The following DYNC2H1 variants were observed in gnomAD, a reference collection of about 807,000 sequenced individuals.
The protein encoded by DYNC2H1 is cytoplasmic dynein 2 heavy chain 1.
In DYNC2H1, 410 loss-of-function variants were observed where a neutral mutation model predicts 570.0. The ratio of observed to expected loss-of-function variants is 0.72; its 90% CI spans 0.66 to 0.78. The LOEUF is 0.78. DYNC2H1 is among the 30% of genes least tolerant of loss of function. The pLI, the probability that DYNC2H1 is intolerant of heterozygous loss-of-function variation, is 0.00. For missense variants in DYNC2H1, 4,865 were observed against 5,046.4 expected, an observed-to-expected ratio of 0.96 and a Z score of 1.09; for synonymous variants, 1,688 against 1,677.6, an observed-to-expected ratio of 1.01 and a Z score of -0.15.
Position 103,446,519 on chromosome 11 carries a change from A to G in DYNC2H1, c.12457-8667A>G, listed in dbSNP as rs144376464. On this transcript the variant is annotated intron_variant, in intron 85 of 88. Transcript: ENST00000375735. The surrounding 1 kb of genome is among the most constrained non-coding windows in gnomAD (Gnocchi z 4.5). Reference sequence around the variant, plus strand: ...GAGATGTTTTGTGAAGTTCTAAAGAATGAAAGCCTGGTCATATGAGTTTAA... The same window carrying G: ...GAGATGTTTTGTGAAGTTCTAAAGAGTGAAAGCCTGGTCATATGAGTTTAA... 1.5e-3 allele frequency among the ~76,000 whole-genome samples: 225 copies of G among 152,330 alleles called. No individual in the cohort carries two copies. The highest frequency in any genetic ancestry group is 5.2e-3 in the African/African-American group (215 of 41,580).
intron 1 of DYNC2H1, among the ~76,000 whole-genome samples, chr11:103,110,821 CT>C (rs540978155): frequency 0.025 from 3,460 of 140,864 alleles, 55 homozygotes; most frequent in African/African-American, 0.058. Flanking sequence ...CATTCAGTGC[CT>C]TTTTTTTTTT....
At chr11:103,149,626 A>G (rs569883163) in intron 20 of DYNC2H1, among the ~76,000 whole-genome samples, 11 of 152,332 alleles carry the variant, frequency 7.2e-5, no homozygotes, top group African/African-American at 2.6e-4. Context: ...ATTAACTAAA[A>G]TAGGAATGGT....
chr11:103,370,117 G>A (rs1941085857), intron 83 of DYNC2H1, among the ~76,000 whole-genome samples: 1 of 152,228 alleles, frequency 6.6e-6, no homozygotes, highest in Non-Finnish European at 1.5e-5. Flanking sequence ...AGGTCAGGCA[G>A]CATTCACTAC....
At chr11:103,212,504 A>G (rs1453645322) in intron 54 of DYNC2H1, among the ~76,000 whole-genome samples, 1 of 152,098 alleles carries the variant, frequency 6.6e-6, no homozygotes, top group Non-Finnish European at 1.5e-5. Flanking sequence ...CATAATATCC[A>G]AGATTATATT....
chr11:103,226,185 C>T (rs1591438497), intron 59 of DYNC2H1, among the ~76,000 whole-genome samples: 1 of 152,058 alleles, frequency 6.6e-6, no homozygotes, highest in East Asian at 1.9e-4. Flanking sequence ...TCCGCTTTAC[C>T]AATTTGGATG....
intron 83 of DYNC2H1, among the ~76,000 whole-genome samples, chr11:103,384,921 C>G (rs998662275): frequency 1.3e-5 from 2 of 151,948 alleles, no homozygotes; most frequent in African/African-American, 2.4e-5. Context: ...TCTGAAAATG[C>G]CTTTAATTTG....
intron 55 of DYNC2H1, among the ~76,000 whole-genome samples, chr11:103,217,507 G>A (rs564039070): frequency 2.2e-4 from 33 of 152,174 alleles, no homozygotes; most frequent in Non-Finnish European, 4.1e-4. Context: ...TTGAAAAATG[G>A]TGCTGGATAT....
At chr11:103,462,285 C>T (rs1945042774) in intron 87 of DYNC2H1, among the ~76,000 whole-genome samples, 1 of 150,732 alleles carries the variant, frequency 6.6e-6, no homozygotes, top group Non-Finnish European at 1.5e-5. Context: ...TAAATTAATT[C>T]CAAAGATCTA....
At chr11:103,193,692 T>G in intron 47 of DYNC2H1, among the ~76,000 whole-genome samples, 1 of 151,824 alleles carries the variant, frequency 6.6e-6, no homozygotes, top group Non-Finnish European at 1.5e-5. Flanking sequence ...TACAGGCATG[T>G]GCCACCACGC....
chr11:103,173,957 C>A, intron 35 of DYNC2H1, 98 bp from the exon 36 acceptor site: 1 of 778,022 alleles, frequency 1.3e-6, no homozygotes, highest in Non-Finnish European at 2.0e-6. Flanking sequence ...ACATTCATTT[C>A]TATGTGTCAG....
chr11:103,114,749 T>C (rs1282080638), intron 3 of DYNC2H1, among the ~76,000 whole-genome samples: 1 of 152,242 alleles, frequency 6.6e-6, no homozygotes, highest in Non-Finnish European at 1.5e-5. Flanking sequence ...TTATTTTTTT[T>C]CTGTTTAAAG....
chr11:103,132,439 A>T (rs2134764885), intron 13 of DYNC2H1, among the ~76,000 whole-genome samples: 1 of 152,228 alleles, frequency 6.6e-6, no homozygotes, highest in African/African-American at 2.4e-5. Context: ...TGGCTGCCTT[A>T]AAATCCTTGT....
At chr11:103,188,746 A>G (rs573429707) in intron 44 of DYNC2H1, 98 bp downstream of exon 44, 1 of 1,029,332 alleles carries the variant, frequency 9.7e-7, no homozygotes, top group East Asian at 3.1e-5. Flanking sequence ...AAAATTTAGA[A>G]TATAAAAATG....
chr11:103,367,104 C>G (rs1267876440), intron 83 of DYNC2H1, among the ~76,000 whole-genome samples: 1 of 152,044 alleles, frequency 6.6e-6, no homozygotes, highest in Non-Finnish European at 1.5e-5. Flanking sequence ...TGAATTACTT[C>G]TCTGGGAAGA....
chr11:103,419,215 GGGA>G (rs1943394636), intron 84 of DYNC2H1, among the ~76,000 whole-genome samples: 1 of 151,966 alleles, frequency 6.6e-6, no homozygotes, highest in Non-Finnish European at 1.5e-5. Flanking sequence ...CTGCTGGCTT[GGGA>G]GAATACAAAC....
At position 103,334,705 on chromosome 11, in the gene DYNC2H1, A is replaced by C. The variant is rs1939022381; in HGVS notation, c.12039+10715A>C. Among the ~76,000 whole-genome samples, 1 of 152,124 alleles carries C rather than the reference A, an allele frequency of 6.6e-6. No individual in the cohort carries two copies. The highest frequency in any genetic ancestry group is 1.5e-5 in the Non-Finnish European group (1 of 67,960). On this transcript the variant is annotated intron_variant, in intron 82 of 88. Coordinates refer to ENST00000375735, the MANE Select transcript of DYNC2H1 (RefSeq NM_001377.3). This position sits in a 1 kb window ranked among gnomAD's most constrained non-coding sequence, Gnocchi z 4.3. The stretch of plus-strand genomic sequence containing the variant: ...CCAAGAAATGCCCATTTAAATTTGA[A>C]AATGTTCTGGTAAGCAAATTTCTTA...
chr11:103,299,446 A>G lies in DYNC2H1; in HGVS notation c.11096-3647A>G, dbSNP rs987755796. The stretch of plus-strand genomic sequence containing the variant: ...TCCAAGTTTTGGAAGCCCTGGGGAA[A>G]ATCCACTTCCAAACCCATTCAGGTT... On this transcript the variant is annotated intron_variant, in intron 75 of 88. Transcript: ENST00000375735. This position sits in a 1 kb window ranked among gnomAD's most constrained non-coding sequence, Gnocchi z 4.5. 8.5e-5 allele frequency among the ~76,000 whole-genome samples: 13 copies of G among 152,206 alleles called. 1 individual carries two copies. The highest frequency in any genetic ancestry group is 7.2e-5 in the African/African-American group (3 of 41,566).
At position 103,134,000 on chromosome 11, in the gene DYNC2H1, T is replaced by C. The variant is rs1241505024; in HGVS notation, c.2106+293T>C. On this transcript the variant is annotated intron_variant, in intron 14 of 88. Transcript: ENST00000375735. This position sits in a 1 kb window ranked among gnomAD's most constrained non-coding sequence, Gnocchi z 4.8. ...TCCAACTCTGCCCTTAGTTGTTGAG[T>C]CTCTTTAGCCTCCCCTCCTCAGTCT... 6.6e-6 allele frequency among the ~76,000 whole-genome samples: 1 copy of C among 152,128 alleles called. No individual in the cohort carries two copies. Among genetic ancestry groups the C allele is most frequent in the Admixed American group, 6.6e-5 (1 of 15,258 alleles).
At chr11:103,366,432 A>C (rs1373390814) in intron 83 of DYNC2H1, among the ~76,000 whole-genome samples, 1 of 152,178 alleles carries the variant, frequency 6.6e-6, no homozygotes, top group Non-Finnish European at 1.5e-5. Flanking sequence ...TTATAAATGA[A>C]CCTTTAATAA....
Sources: allele counts gnomAD v4.1 joint callset (sites outside exome capture counted in the v4.1 genomes callset), GRCh38; gene constraint gnomAD v4.1.1; non-coding constraint Gnocchi (gnomAD v3.1); transcripts MANE v1.5; gene names NCBI Gene and HGNC (gene_info 2026-07-23, HGNC 2026-07-21).